The following CLASP1 variants were observed in gnomAD, a reference collection of about 807,000 sequenced individuals.
The protein encoded by CLASP1 is cytoplasmic linker associated protein 1, also known as CLIP-associating protein 1.
In CLASP1, 38 loss-of-function variants were observed where a neutral mutation model predicts 192.3. The observed-to-expected ratio is 0.20, with a 90% CI of 0.15 to 0.26. CLASP1 has a LOEUF of 0.26. CLASP1 is among the 10% of genes least tolerant of loss of function. The probability of loss-of-function intolerance (pLI) is 1.00; values close to 1 mark genes in which losing one functional copy is unlikely to be tolerated. For missense variants in CLASP1, 1,433 were observed against 1,932.5 expected (o/e 0.74, Z 4.85); for synonymous variants, 691 against 712.8 (o/e 0.97, Z 0.49).
intron 24 of CLASP1, among the ~76,000 whole-genome samples, chr2:121,410,296 A>G (rs1028331540): frequency 6.6e-6 from 1 of 152,212 alleles, no homozygotes; most frequent in Non-Finnish European, 1.5e-5. Context: ...TAAAGGATCC[A>G]TGATCATTTA....
At chr2:121,643,386 T>A (rs1165397917) in intron 1 of CLASP1, among the ~76,000 whole-genome samples, 2 of 152,126 alleles carry the variant, frequency 1.3e-5, no homozygotes, top group Admixed American at 6.6e-5. Context: ...GGAAACAGCA[T>A]GGTTCACGTG....
intron 14 of CLASP1, among the ~76,000 whole-genome samples, chr2:121,454,186 T>C (rs976352293): frequency 6.7e-6 from 1 of 149,046 alleles, no homozygotes; most frequent in Non-Finnish European, 1.5e-5. Context: ...CTGAAGTCCT[T>C]ACTCTCAATG....
intron 17 of CLASP1, among the ~76,000 whole-genome samples, chr2:121,448,695 T>A (rs547121362): frequency 3.8e-4 from 58 of 152,324 alleles, no homozygotes; most frequent in African/African-American, 1.4e-3. Context: ...CACTACTCCA[T>A]AATTCACTTA....
At chr2:121,640,868 C>G (rs1457981249) in intron 1 of CLASP1, among the ~76,000 whole-genome samples, 1 of 152,212 alleles carries the variant, frequency 6.6e-6, no homozygotes, top group Non-Finnish European at 1.5e-5. Flanking sequence ...AAGTATACCT[C>G]TAGCACCCAT....
At chr2:121,411,364 G>A (rs1288391418) in intron 23 of CLASP1, among the ~76,000 whole-genome samples, 1 of 152,210 alleles carries the variant, frequency 6.6e-6, no homozygotes, top group East Asian at 1.9e-4. Context: ...GAGTTCTAAT[G>A]CAATGTGTGG....
chr2:121,522,306 G>C (rs1268976789), intron 6 of CLASP1, among the ~76,000 whole-genome samples: 1 of 152,028 alleles, frequency 6.6e-6, no homozygotes, highest in Non-Finnish European at 1.5e-5. Flanking sequence ...GATGAGGTGG[G>C]GGAAATGAAA....
intron 2 of CLASP1, among the ~76,000 whole-genome samples, chr2:121,563,220 G>C (rs1045861984): frequency 6.6e-5 from 10 of 151,838 alleles, no homozygotes; most frequent in African/African-American, 2.4e-4. Flanking sequence ...GTGGGCACTT[G>C]ATTTTTCTCC....
Position 121,446,856 on chromosome 2 carries a change from C to A in CLASP1, c.1912+481G>T, listed in dbSNP as rs13429043. 6.8e-3 allele frequency among the ~76,000 whole-genome samples: 1,036 copies of A among 152,308 alleles called. 9 individuals carry two copies. The highest frequency in any genetic ancestry group is 0.023 in the African/African-American group (948 of 41,564). ...TGAGCTCATCACATTCCTTCAGATT[C>A]CTCCTGCCATTCCCCACAACCCAAC... On this transcript the variant is annotated intron_variant, in intron 19 of 39. Transcript: ENST00000263710.
In CLASP1 at chr2:121,450,905, A is replaced by C; in HGVS notation, c.1523+8T>G. 6.3e-7 allele frequency: 1 copy of C among 1,594,026 alleles called. No individual in the cohort carries two copies. The highest frequency in any genetic ancestry group is 8.6e-7 in the Non-Finnish European group (1 of 1,162,682). ...TAATTTAAAAAGTGGTGTACAATAA[A>C]AACTTACTTTCTGGCTTCTATTCTT... On this transcript the variant is annotated splice_region_variant and intron_variant, in intron 16 of 39. Coordinates refer to ENST00000263710, the Ensembl canonical transcript of CLASP1.
At chr2:121,518,458 G>T (rs2094378954) in intron 6 of CLASP1, among the ~76,000 whole-genome samples, 1 of 152,024 alleles carries the variant, frequency 6.6e-6, no homozygotes, top group African/African-American at 2.4e-5. Flanking sequence ...ATTAATTTCT[G>T]TTGTTTAACT....
At chr2:121,579,511 A>G (rs2060907229) in intron 2 of CLASP1, among the ~76,000 whole-genome samples, 1 of 152,216 alleles carries the variant, frequency 6.6e-6, no homozygotes, top group Non-Finnish European at 1.5e-5. Flanking sequence ...CCTGGCAACC[A>G]CTAATGCAAT....
chr2:121,581,829 G>T (rs1260585582), intron 2 of CLASP1, among the ~76,000 whole-genome samples: 4 of 152,334 alleles, frequency 2.6e-5, no homozygotes, highest in African/African-American at 9.6e-5. Context: ...AAGTTGCAGT[G>T]AGCCAAGATC....
At chr2:121,555,732 G>C (rs1042483428) in intron 2 of CLASP1, among the ~76,000 whole-genome samples, 10 of 147,592 alleles carry the variant, frequency 6.8e-5, no homozygotes, top group Non-Finnish European at 1.5e-4. Flanking sequence ...GCTCTATCAA[G>C]TACAGTGATG....
intron 7 of CLASP1, among the ~76,000 whole-genome samples, chr2:121,514,412 ATTG>A (rs1468110686): frequency 1.3e-5 from 2 of 151,982 alleles, no homozygotes; most frequent in African/African-American, 4.8e-5. Context: ...TCCCTAAGAG[ATTG>A]TTTAGTATTG....
chr2:121,597,250 C>T (rs1427565432), intron 2 of CLASP1, among the ~76,000 whole-genome samples: 1 of 152,176 alleles, frequency 6.6e-6, no homozygotes, highest in African/African-American at 2.4e-5. Context: ...TAATGTCTAC[C>T]TCATATGGTA....
intron 8 of CLASP1, among the ~76,000 whole-genome samples, chr2:121,490,722 C>A (rs2093258430): frequency 6.6e-6 from 1 of 152,220 alleles, no homozygotes; most frequent in Non-Finnish European, 1.5e-5. Flanking sequence ...CTCTTCCAGG[C>A]TATTTTAGGT....
intron 25 of CLASP1, among the ~76,000 whole-genome samples, chr2:121,406,896 C>CTT (rs1490004871): frequency 6.6e-6 from 1 of 151,666 alleles, no homozygotes; most frequent in Admixed American, 6.6e-5. Flanking sequence ...CACCCTACAT[C>CTT]TTTTATCAGC....
intron 30 of CLASP1, among the ~76,000 whole-genome samples, chr2:121,395,517 C>T (rs931588119): frequency 6.6e-6 from 1 of 152,194 alleles, no homozygotes; most frequent in Admixed American, 6.5e-5. Flanking sequence ...CTCATCTTCC[C>T]AAACCCTCTG....
intron 9 of CLASP1, among the ~76,000 whole-genome samples, 180 bp downstream of exon 9, chr2:121,469,628 A>T (rs151071862): frequency 1.7e-3 from 257 of 152,260 alleles, no homozygotes; most frequent in Middle Eastern, 0.01. Flanking sequence ...CAAATTTACA[A>T]CTTACCAGCT....
Sources: gnomAD v4.1 joint callset for allele counts (sites outside exome capture counted in the v4.1 genomes callset) on GRCh38, gnomAD v4.1.1 for gene constraint, MANE v1.5 for transcripts, NCBI Gene and HGNC (gene_info 2026-07-23, HGNC 2026-07-21) for gene names.